ATF7IP2: variants seen among roughly 807,000 people sequenced by gnomAD.
ATF7IP2 encodes the protein activating transcription factor 7 interacting protein 2.
In ATF7IP2, 42 loss-of-function variants were observed where a neutral mutation model predicts 64.2. The observed-to-expected ratio is 0.65, with a 90% CI of 0.51 to 0.85. The LOEUF (loss-of-function observed/expected upper bound fraction) is 0.85. Among genes scored for constraint, ATF7IP2 ranks in the 40% least tolerant of loss-of-function variants. ATF7IP2 has a pLI of 0.00. For missense variants in ATF7IP2, 933 were observed against 784.2 expected (o/e 1.19, Z -2.27); for synonymous variants, 308 against 272.8 (o/e 1.13, Z -1.27).
At chr16:10,479,629 T>C (rs1008623098) in intron 12 of ATF7IP2, among the ~76,000 whole-genome samples, 2 of 151,776 alleles carry the variant, frequency 1.3e-5, no homozygotes, top group Admixed American at 1.3e-4. Context: ...TGTGCACATG[T>C]ACCCTAAAAC....
At chr16:10,409,963 T>G (rs191208935) in intron 1 of ATF7IP2, among the ~76,000 whole-genome samples, 35 of 152,364 alleles carry the variant, frequency 2.3e-4, no homozygotes, top group Admixed American at 2.2e-3. Context: ...AGCATGCTGT[T>G]TTGGTGACTA....
rs1293475332 is a variant in ATF7IP2 at position 10,437,308 on chromosome 16, T to G, written c.961-793T>G. ...TGTTGGGATTACAGGCGTGAGCCAC[T>G]GCACCCGGCTGGCTTCTTTCAGTTT... On this transcript the variant is annotated intron_variant, in intron 6 of 13. Transcript: ENST00000562102. Among the ~76,000 whole-genome samples the G allele has an allele frequency of 2.0e-5, 3 of 152,170 alleles. No individual in the cohort carries two copies. The East Asian group carries it at 5.8e-4, about 29-fold the overall frequency.
At chr16:10,399,781 A>G (rs1469791261) in intron 1 of ATF7IP2, among the ~76,000 whole-genome samples, 1 of 152,206 alleles carries the variant, frequency 6.6e-6, no homozygotes, top group African/African-American at 2.4e-5. Context: ...TTTGGGCAGT[A>G]TGGCCATTTT....
chr16:10,456,607 G>T (rs936227674), intron 8 of ATF7IP2, among the ~76,000 whole-genome samples: 1 of 152,088 alleles, frequency 6.6e-6, no homozygotes, highest in African/African-American at 2.4e-5. Context: ...AGCCCCTGCC[G>T]GTGCCACCTC....
At chr16:10,389,752 C>A (rs1272696416) in intron 1 of ATF7IP2, among the ~76,000 whole-genome samples, 2 of 152,208 alleles carry the variant, frequency 1.3e-5, no homozygotes, top group Non-Finnish European at 2.9e-5. Context: ...GCATTTTATA[C>A]TATTACATTG....
intron 9 of ATF7IP2, among the ~76,000 whole-genome samples, chr16:10,461,502 G>A (rs541818077): frequency 6.6e-6 from 1 of 152,228 alleles, no homozygotes; most frequent in African/African-American, 2.4e-5. Context: ...ACGGTGGAAT[G>A]TTGCAAATGA....
At chr16:10,479,054 G>A (rs572602431) in intron 12 of ATF7IP2, among the ~76,000 whole-genome samples, 1,556 of 150,978 alleles carry the variant, frequency 0.01, 27 homozygotes, top group African/African-American at 0.037. Context: ...CTGTTGGTGG[G>A]ACTGTAAACT....
intron 8 of ATF7IP2, among the ~76,000 whole-genome samples, chr16:10,453,619 G>T (rs13337975): frequency 0.61 from 93,017 of 151,980 alleles, 28,789 homozygotes; most frequent in African/African-American, 0.72. Context: ...AGCTTTCTTT[G>T]TTTATTTATT....
chr16:10,435,116 T>A (rs1444825523), intron 6 of ATF7IP2, among the ~76,000 whole-genome samples: 1 of 152,220 alleles, frequency 6.6e-6, no homozygotes, highest in African/African-American at 2.4e-5. Flanking sequence ...AGCTAGCTTT[T>A]CCTCACTTCT....
chr16:10,469,715 G>C (rs1358254913), intron 9 of ATF7IP2, among the ~76,000 whole-genome samples: 2 of 152,116 alleles, frequency 1.3e-5, no homozygotes, highest in African/African-American at 4.8e-5. Flanking sequence ...GGCAGAGGTT[G>C]CGGTGAGCCG....
chr16:10,387,030 G>A (rs2047216622), intron 1 of ATF7IP2: 1 of 152,150 alleles, frequency 6.6e-6, no homozygotes, highest in African/African-American at 2.4e-5. Context: ...GGAAGAAGAG[G>A]ACAGTTGTAC....
intron 9 of ATF7IP2, 161 bp downstream of exon 9, chr16:10,457,690 T>A (rs57240502): frequency 2.1e-6 from 1 of 485,390 alleles, no homozygotes. Flanking sequence ...GTTGTGGGGG[T>A]TTTTTTTTGG....
At chr16:10,429,083 C>T (rs532007693) in intron 4 of ATF7IP2, 67 bp downstream of exon 4, 1 of 152,212 alleles carries the variant, frequency 6.6e-6, no homozygotes, top group South Asian at 2.1e-4. Context: ...TTGTAGGACA[C>T]AAAACTGTAG....
At chr16:10,411,995 C>T (rs1352299203) in intron 1 of ATF7IP2, among the ~76,000 whole-genome samples, 22 of 26,990 alleles carry the variant, frequency 8.2e-4, no homozygotes, top group South Asian at 1.8e-3. Context: ...CTTTTTGTTT[C>T]ATTTATCTTT....
chr16:10,414,116 G>T (rs2047823349), intron 1 of ATF7IP2, among the ~76,000 whole-genome samples: 1 of 152,076 alleles, frequency 6.6e-6, no homozygotes, highest in Non-Finnish European at 1.5e-5. Flanking sequence ...TACTGTATTT[G>T]GATATCTAGG....
At chr16:10,463,818 A>G (rs2049456855) in intron 9 of ATF7IP2, among the ~76,000 whole-genome samples, 1 of 152,236 alleles carries the variant, frequency 6.6e-6, no homozygotes, top group Non-Finnish European at 1.5e-5. Flanking sequence ...CTTGAGCAGA[A>G]CTGAGGCTGA....
intron 2 of ATF7IP2, among the ~76,000 whole-genome samples, chr16:10,418,803 G>A (rs1001605619): frequency 2.0e-5 from 3 of 152,124 alleles, no homozygotes; most frequent in African/African-American, 7.2e-5. Context: ...AAATCCTTAT[G>A]TTTAGCTCCT....
At chr16:10,412,963 G>A (rs528220677) in intron 1 of ATF7IP2, among the ~76,000 whole-genome samples, 1 of 152,196 alleles carries the variant, frequency 6.6e-6, no homozygotes, top group South Asian at 2.1e-4. Context: ...TGTTTTATCT[G>A]ATATAAGAAT....
chr16:10,409,704 C>G (rs545736676), intron 1 of ATF7IP2, among the ~76,000 whole-genome samples: 7 of 152,286 alleles, frequency 4.6e-5, no homozygotes, highest in African/African-American at 7.2e-5. Context: ...GGATTACAGG[C>G]GTGAGCCACC....
Sources: gnomAD v4.1 joint callset for allele counts (sites outside exome capture counted in the v4.1 genomes callset) on GRCh38, gnomAD v4.1.1 for gene constraint, MANE v1.5 for transcripts, NCBI Gene and HGNC (gene_info 2026-07-23, HGNC 2026-07-21) for gene names.